Variants in UIMC1 observed in about 807,000 individuals in gnomAD.
UIMC1 encodes BRCA1-A complex subunit RAP80.
UIMC1 carries 42 observed loss-of-function variants against 84.9 expected under a neutral mutation model. That is an observed-to-expected ratio of 0.49 (90% confidence interval 0.39 to 0.64). UIMC1 has a LOEUF of 0.64. Among genes scored for constraint, UIMC1 ranks in the 30% least tolerant of loss-of-function variants. The pLI, the probability that UIMC1 is intolerant of heterozygous loss-of-function variation, is 0.00. For missense variants in UIMC1, 825 were observed against 847.6 expected, an observed-to-expected ratio of 0.97 and a Z score of 0.33; for synonymous variants, 281 against 293.0, an observed-to-expected ratio of 0.96 and a Z score of 0.42.
chr5:176,973,721 T>C (rs777281891), intron 3 of UIMC1, among the ~76,000 whole-genome samples: 3 of 152,038 alleles, frequency 2.0e-5, no homozygotes, highest in African/African-American at 4.8e-5. Context: ...CTAGGCAACA[T>C]AGTGAGATCT....
chr5:176,950,068 T>C (rs10068703), intron 9 of UIMC1, among the ~76,000 whole-genome samples: 68 of 144,568 alleles, frequency 4.7e-4, no homozygotes, highest in Admixed American at 2.2e-3. Flanking sequence ...GGAGAAAAAA[T>C]ACAAAATTCC....
intron 10 of UIMC1, among the ~76,000 whole-genome samples, chr5:176,930,474 G>C (rs1762948529): frequency 6.6e-6 from 1 of 152,104 alleles, no homozygotes; most frequent in African/African-American, 2.4e-5. Flanking sequence ...ATCAAGTTCA[G>C]CTTCCTCTTT....
upstream of UIMC1, among the ~76,000 whole-genome samples, chr5:177,010,134 T>C (rs796268093): frequency 1.1e-4 from 16 of 152,326 alleles, 1 homozygote; most frequent in African/African-American, 3.8e-4. Context: ...AAGGATCTGT[T>C]GAGCCCAGGA....
intron 1 of UIMC1, among the ~76,000 whole-genome samples, chr5:176,994,726 C>A (rs933882165): frequency 6.7e-6 from 1 of 149,178 alleles, no homozygotes; most frequent in African/African-American, 2.4e-5. Flanking sequence ...TTGAATGGTG[C>A]GGTGGGAATG....
At chr5:176,957,570 A>T (rs1490703512) in intron 7 of UIMC1, among the ~76,000 whole-genome samples, 2 of 152,144 alleles carry the variant, frequency 1.3e-5, no homozygotes, top group Non-Finnish European at 2.9e-5. Context: ...GGCACAGGAC[A>T]GACAGTGAGA....
At chr5:176,934,682 G>C (rs138846668) in intron 10 of UIMC1, among the ~76,000 whole-genome samples, 1 of 152,090 alleles carries the variant, frequency 6.6e-6, no homozygotes, top group Non-Finnish European at 1.5e-5. Flanking sequence ...TTAGTAAAAG[G>C]GTTTTCCTTT....
chr5:176,979,382 G>A (rs1280999662), intron 2 of UIMC1, among the ~76,000 whole-genome samples: 2 of 152,168 alleles, frequency 1.3e-5, no homozygotes, highest in Admixed American at 6.5e-5. Flanking sequence ...ACTTTGGGGT[G>A]TATCACCTGA....
chr5:176,907,262 T>G, intron 12 of UIMC1, 85 bp from the exon 13 acceptor site: 1 of 1,333,784 alleles, frequency 7.5e-7, no homozygotes, highest in Non-Finnish European at 1.1e-6. Flanking sequence ...CACGTGTTCA[T>G]AGAAGAGAAA....
chr5:176,906,002 C>T lies in UIMC1; in HGVS notation c.1949+9G>A, dbSNP rs773342128. 1.2e-6 allele frequency: 2 copies of T among 1,614,084 alleles called. No individual in the cohort carries two copies. Among genetic ancestry groups the T allele is most frequent in the Non-Finnish European group, 8.5e-7 (1 of 1,179,970 alleles). The stretch of plus-strand genomic sequence containing the variant: ...TGACAGCCACAATTCAGTGCACAAT[C>T]CAATTCACCTGAAGGCTCCTGTTTC... On this transcript the variant is annotated intron_variant, in intron 14 of 14. Coordinates refer to ENST00000511320, the MANE Select transcript of UIMC1 (RefSeq NM_001199298.2).
intron 1 of UIMC1, among the ~76,000 whole-genome samples, chr5:176,997,272 G>C (rs1293675464): frequency 6.6e-6 from 1 of 151,902 alleles, no homozygotes; most frequent in African/African-American, 2.4e-5. Context: ...AACAACTCTC[G>C]TGTAGACAAT....
At chr5:176,936,408 T>C (rs1262913953) in intron 10 of UIMC1, among the ~76,000 whole-genome samples, 2 of 152,202 alleles carry the variant, frequency 1.3e-5, no homozygotes, top group Non-Finnish European at 2.9e-5. Flanking sequence ...AACAAAATAT[T>C]GACTCTATTT....
rs145346353 is a variant in UIMC1 at position 176,957,758 on chromosome 5, G to C, written c.1262+335C>G. 2.4e-4 allele frequency among the ~76,000 whole-genome samples: 36 copies of C among 152,338 alleles called. No homozygotes were observed. The East Asian group carries it at 4.0e-3, about 17-fold the overall frequency. On this transcript the variant is annotated intron_variant, in intron 7 of 14. Coordinates refer to ENST00000511320, the MANE Select transcript of UIMC1 (RefSeq NM_001199298.2). ...GAAGGACTATAAAGAAATCAGTCTAGAGCCTTCAAATTGGCATAGAAAACT... is the reference window on the plus strand; with the variant it reads ...GAAGGACTATAAAGAAATCAGTCTACAGCCTTCAAATTGGCATAGAAAACT...
Position 176,969,229 on chromosome 5 carries a change from C to T in UIMC1, c.526G>A (p.Ala176Thr), listed in dbSNP as rs1768820528. Residue 176 changes from alanine (A) to threonine (T), a missense_variant, in exon 6 of 15, where the codon GCT (alanine) becomes ACT (threonine). Physicochemically the swap from Ala to Thr is moderately conservative, Grantham distance 58. Transcript: ENST00000511320. ...KGSHISQGNE[A>T]EEREEPWDHT... ...TCCCAAGGCTCCTCTCTTTCCTCAG[C>T]CTCGTTTCCCTGACTGATATGTGAG... The T allele has an allele frequency of 1.9e-6, 3 of 1,614,194 alleles. No homozygotes were observed. The Admixed American group carries it at 5.0e-5, about 27-fold the overall frequency.
intron 14 of UIMC1, 187 bp downstream of exon 14, chr5:176,905,824 A>G (rs920300558): frequency 6.1e-6 from 4 of 657,740 alleles, no homozygotes; most frequent in Admixed American, 3.0e-5. Context: ...AACACAATGA[A>G]TGAATTGAGT....
At chr5:177,014,763 G>T (rs544004470) in intron 1 of UIMC1, among the ~76,000 whole-genome samples, 2 of 152,248 alleles carry the variant, frequency 1.3e-5, no homozygotes, top group East Asian at 3.9e-4. Flanking sequence ...GGTGTGAAAG[G>T]ATTCCCCAGT....
At chr5:177,003,713 T>C (rs60215703) in intron 1 of UIMC1, among the ~76,000 whole-genome samples, 14,938 of 152,086 alleles carry the variant, frequency 0.098, 1,532 homozygotes, top group African/African-American at 0.26. Context: ...TCTAAGAGTA[T>C]AGCATGAGTA....
intron 10 of UIMC1, among the ~76,000 whole-genome samples, chr5:176,929,433 G>A (rs1762812108): frequency 6.6e-6 from 1 of 151,614 alleles, no homozygotes; most frequent in Admixed American, 6.6e-5. Context: ...CAGGCGTGGT[G>A]GCGGGTGCCT....
At chr5:176,923,951 A>G (rs905590690) in intron 10 of UIMC1, among the ~76,000 whole-genome samples, 244 of 152,086 alleles carry the variant, frequency 1.6e-3, no homozygotes, top group African/African-American at 5.6e-3. Flanking sequence ...TATCAGGGAT[A>G]AAACTGGAAA....
rs114674716 is a variant in UIMC1 at position 176,989,298 on chromosome 5, C to T, written c.-8-6675G>A. ...CAAAATCATTCCCCATGATAAAACT[C>T]GACACACAAACGTCCTTTTCTGCAT... On this transcript the variant is annotated intron_variant, in intron 1 of 14. Coordinates refer to ENST00000511320, the MANE Select transcript of UIMC1 (RefSeq NM_001199298.2). Among the ~76,000 whole-genome samples the T allele has an allele frequency of 9.8e-3, 1,488 of 152,210 alleles. 10 individuals carry two copies. The highest frequency in any genetic ancestry group is 0.025 in the South Asian group (123 of 4,828).
Sources: allele counts gnomAD v4.1 joint callset (sites outside exome capture counted in the v4.1 genomes callset), GRCh38; gene constraint gnomAD v4.1.1; transcripts MANE v1.5; gene names NCBI Gene and HGNC (gene_info 2026-07-23, HGNC 2026-07-21).